FRK: variants seen among roughly 807,000 people sequenced by gnomAD.
The protein encoded by FRK is fyn related Src family tyrosine kinase, also known as tyrosine-protein kinase FRK.
FRK carries 51 observed loss-of-function variants against 56.4 expected under a neutral mutation model. The ratio of observed to expected loss-of-function variants is 0.90; its 90% CI spans 0.72 to 1.14. The LOEUF is 1.14. Ranked by LOEUF, FRK falls within the 50% of genes most tolerant of loss-of-function variation. The pLI is 0.00. For synonymous variants in FRK, 245 were observed against 217.9 expected, an observed-to-expected ratio of 1.12 and a Z score of -1.10; for missense variants, 570 against 601.4, an observed-to-expected ratio of 0.95 and a Z score of 0.55.
intron 6 of FRK, among the ~76,000 whole-genome samples, 187 bp from the exon 7 acceptor site, chr6:115,943,372 C>CATTTTT (rs1772278362): frequency 6.7e-6 from 1 of 149,906 alleles, no homozygotes; most frequent in African/African-American, 2.5e-5. Context: ...TGTGGGAAGT[C>CATTTTT]ATTAATAAAA....
chr6:116,040,556 ATGC>A (rs1242770270), intron 1 of FRK, among the ~76,000 whole-genome samples: 3 of 152,160 alleles, frequency 2.0e-5, no homozygotes, highest in African/African-American at 7.2e-5. Context: ...ACCCAATATT[ATGC>A]TACCAAATTG....
chr6:115,988,361 A>G (rs190717722), intron 2 of FRK, among the ~76,000 whole-genome samples: 151 of 152,162 alleles, frequency 9.9e-4, no homozygotes, highest in African/African-American at 3.4e-3. Flanking sequence ...TGCCTAAACC[A>G]TTAAGAAAAA....
At position 115,936,515 on chromosome 6, in the gene FRK, T is replaced by C. The variant is rs933089595; in HGVS notation, c.*5899A>G. On this transcript the variant is annotated 3_prime_UTR_variant, in exon 8 of 8. Transcript: ENST00000606080. ...GAAGTAGGCCTCAGAAGGTGGGTAA[T>C]AACAAACTCCTCCAAGCTAAAGGAG... 1 of 152,024 alleles carries C rather than the reference T, an allele frequency of 6.6e-6. No individual in the cohort carries two copies. Among genetic ancestry groups the C allele is most frequent in the Non-Finnish European group, 1.5e-5 (1 of 67,982 alleles). The allele number at this position is 152,024 out of a possible 1,614,324, so 9.4% of individuals were successfully genotyped here. A position where few individuals can be genotyped will look rare whatever the true frequency, so the allele number is the denominator to read the frequency against.
chr6:115,969,612 C>A (rs559180351), intron 2 of FRK, among the ~76,000 whole-genome samples: 26 of 152,122 alleles, frequency 1.7e-4, no homozygotes, highest in Non-Finnish European at 3.4e-4. Context: ...CAATAAGAAC[C>A]AAGGAACCCC....
the FRK span, among the ~76,000 whole-genome samples, chr6:116,072,564 C>CACACACACACACACAA: frequency 2.7e-4 from 41 of 149,708 alleles, no homozygotes; most frequent in African/African-American, 9.6e-4. Flanking sequence ...CACACACACA[C>CACACACACACACACAA]AAGATACCTT....
chr6:115,986,043 A>AGATCATGGGACCTCTCAGCCTCCAC, intron 2 of FRK, among the ~76,000 whole-genome samples: 1 of 151,574 alleles, frequency 6.6e-6, no homozygotes, highest in African/African-American at 2.4e-5. Context: ...ATATGTGTAC[A>AGATCATGGGACCTCTCAGCCTCCAC]AATTTATGTC....
At chr6:116,078,750 A>G in the FRK span, among the ~76,000 whole-genome samples, 1 of 152,130 alleles carries the variant, frequency 6.6e-6, no homozygotes, top group Non-Finnish European at 1.5e-5. Flanking sequence ...AGCTCTGTCT[A>G]CCTCTCCCAG....
intron 1 of FRK, among the ~76,000 whole-genome samples, chr6:116,056,629 T>G (rs887500603): frequency 1.3e-5 from 2 of 152,218 alleles, no homozygotes; most frequent in East Asian, 3.8e-4. Context: ...TATTTATATG[T>G]TATTTCCACA....
At chr6:116,059,172 A>G (rs1174844867) in intron 1 of FRK, among the ~76,000 whole-genome samples, 5 of 150,830 alleles carry the variant, frequency 3.3e-5, no homozygotes, top group Non-Finnish European at 5.9e-5. Context: ...TGGTAGGTGG[A>G]TGGATGGATG....
upstream of FRK, among the ~76,000 whole-genome samples, chr6:116,061,413 C>CACAT (rs1777620518): frequency 6.6e-6 from 1 of 151,634 alleles, no homozygotes; most frequent in Non-Finnish European, 1.5e-5. Context: ...CACACACACA[C>CACAT]ACACACACAC....
At chr6:116,071,831 A>G in the FRK span, among the ~76,000 whole-genome samples, 7 of 152,182 alleles carry the variant, frequency 4.6e-5, no homozygotes, top group Admixed American at 2.6e-4. Context: ...AGTCTCTCAC[A>G]TTGCAAACAA....
chr6:115,980,402 C>G (rs915072937), intron 2 of FRK, among the ~76,000 whole-genome samples: 1 of 148,720 alleles, frequency 6.7e-6, no homozygotes, highest in African/African-American at 2.5e-5. Context: ...GAATATCATA[C>G]GGAAACATGA....
intron 1 of FRK, among the ~76,000 whole-genome samples, chr6:116,016,423 T>C (rs1436504567): frequency 6.6e-6 from 1 of 152,226 alleles, no homozygotes; most frequent in Non-Finnish European, 1.5e-5. Flanking sequence ...TTATCACATG[T>C]ACCCAGAGAA....
Position 115,931,597 on chromosome 6 carries a change from T to G in FRK, c.*10817A>C, listed in dbSNP as rs1771959584. 6.6e-6 allele frequency: 1 copy of G among 152,202 alleles called. No individual in the cohort carries two copies. The highest frequency in any genetic ancestry group is 1.5e-5 in the Non-Finnish European group (1 of 68,024). The allele number at this position is 152,202 out of a possible 1,614,324, so 9.4% of individuals were successfully genotyped here. On this transcript the variant is annotated 3_prime_UTR_variant, in exon 8 of 8. Coordinates refer to ENST00000606080, the MANE Select transcript of FRK (RefSeq NM_002031.3). ...AGTATACAAATCTGGCTAATTGATT[T>G]TATTTCTTATTTTTTGAATCAATAA...
At position 115,940,897 on chromosome 6, in the gene FRK, G is replaced by A. The variant is rs1582623812; in HGVS notation, c.*1517C>T. The A allele has an allele frequency of 6.6e-6, 1 of 152,158 alleles. No homozygotes were observed. 9.4% of individuals were successfully genotyped at this position (152,158 alleles called of 1,614,324 possible). A position where few individuals can be genotyped will look rare whatever the true frequency, so the allele number is the denominator to read the frequency against. ...AACACATTTACACTTTTACTCTGTT[G>A]GTGGGAGTATAAATTAGTTCAACCA... On this transcript the variant is annotated 3_prime_UTR_variant, in exon 8 of 8. Transcript: ENST00000606080.
chr6:115,989,987 G>C (rs1449251662), intron 2 of FRK, among the ~76,000 whole-genome samples: 1 of 151,922 alleles, frequency 6.6e-6, no homozygotes, highest in Non-Finnish European at 1.5e-5. Context: ...ATTCTGAATG[G>C]TGTAGGATGG....
At chr6:116,098,649 CAG>C in the FRK span, among the ~76,000 whole-genome samples, 1 of 152,120 alleles carries the variant, frequency 6.6e-6, no homozygotes, top group African/African-American at 2.4e-5. Flanking sequence ...CTCAAAGAAA[CAG>C]AAATTAATTG....
chr6:116,085,789 G>T, the FRK span, among the ~76,000 whole-genome samples: 7 of 152,238 alleles, frequency 4.6e-5, no homozygotes, highest in Admixed American at 2.0e-4. Context: ...TGAACACGGA[G>T]ATTCTGTAGC....
the FRK span, among the ~76,000 whole-genome samples, chr6:116,093,034 A>G: frequency 2.0e-5 from 3 of 152,182 alleles, no homozygotes; most frequent in Non-Finnish European, 4.4e-5. Flanking sequence ...CTTTGCTGTA[A>G]GAGGGAAGGC....
Sources: allele counts gnomAD v4.1 joint callset (sites outside exome capture counted in the v4.1 genomes callset), GRCh38; gene constraint gnomAD v4.1.1; transcripts MANE v1.5; gene names NCBI Gene and HGNC (gene_info 2026-07-23, HGNC 2026-07-21).